Variants in NALF1 observed in about 807,000 individuals in gnomAD.
NALF1 encodes NALCN channel auxiliary factor 1.
A neutral mutation model predicts 48.4 loss-of-function variants in NALF1; 3 were observed. The ratio of observed to expected loss-of-function variants is 0.06; its 90% confidence interval spans 0.03 to 0.16. NALF1 has a LOEUF of 0.16. NALF1 is among the 10% of genes least tolerant of loss of function. The pLI is 1.00. For missense variants in NALF1, 526 were observed against 571.5 expected (o/e 0.92, Z 0.81); for synonymous variants, 262 against 245.7 (o/e 1.07, Z -0.62).
chr13:107,316,744 TG>T (rs1486631549), intron 1 of NALF1, among the ~76,000 whole-genome samples: 1 of 151,354 alleles, frequency 6.6e-6, no homozygotes, highest in African/African-American at 2.4e-5. Flanking sequence ...TTGATGGGGT[TG>T]TTTTTTTCTT....
intron 1 of NALF1, chr13:107,835,350 T>C (rs1385879617): frequency 6.6e-6 from 1 of 152,184 alleles, no homozygotes; most frequent in Non-Finnish European, 1.5e-5. Flanking sequence ...TTTGCCTCTC[T>C]CTTGGCTCCT....
At chr13:107,779,424 G>C (rs1379253731) in intron 1 of NALF1, among the ~76,000 whole-genome samples, 1 of 152,164 alleles carries the variant, frequency 6.6e-6, no homozygotes, top group African/African-American at 2.4e-5. Flanking sequence ...CATTATCTGA[G>C]TCACACTTAT....
At chr13:107,352,037 A>G (rs561277076) in intron 1 of NALF1, among the ~76,000 whole-genome samples, 1 of 152,352 alleles carries the variant, frequency 6.6e-6, no homozygotes, top group African/African-American at 2.4e-5. Flanking sequence ...GTGAGCAAAC[A>G]TACATGTTAC....
At chr13:107,293,067 G>T (rs1881657163) in intron 1 of NALF1, among the ~76,000 whole-genome samples, 1 of 142,214 alleles carries the variant, frequency 7.0e-6, no homozygotes. Context: ...TGCAAGCTCT[G>T]CCTCCTGGGT....
At chr13:107,388,465 T>C (rs763971015) in intron 1 of NALF1, among the ~76,000 whole-genome samples, 2 of 152,222 alleles carry the variant, frequency 1.3e-5, no homozygotes, top group Non-Finnish European at 2.9e-5. Flanking sequence ...GTCCCAACAC[T>C]GCCTCTTTTT....
intron 2 of NALF1, among the ~76,000 whole-genome samples, chr13:107,172,930 C>T (rs1040215577): frequency 2.0e-5 from 3 of 152,066 alleles, no homozygotes; most frequent in African/African-American, 7.2e-5. Flanking sequence ...AATAAATGAA[C>T]CCTTCTTTTT....
At chr13:107,176,317 T>A (rs4996707) in intron 2 of NALF1, among the ~76,000 whole-genome samples, 4,985 of 20,072 alleles carry the variant, frequency 0.25, 276 homozygotes, top group Middle Eastern at 0.36. Flanking sequence ...AACCTCACAG[T>A]TTTTTTTTTT....
chr13:107,515,240 A>T (rs1204309291), intron 1 of NALF1, among the ~76,000 whole-genome samples: 1 of 152,198 alleles, frequency 6.6e-6, no homozygotes, highest in African/African-American at 2.4e-5. Flanking sequence ...CTGAATGATG[A>T]CAGTGATGAC....
intron 1 of NALF1, among the ~76,000 whole-genome samples, chr13:107,600,748 G>A (rs1042951104): frequency 6.6e-6 from 1 of 152,194 alleles, no homozygotes; most frequent in African/African-American, 2.4e-5. Flanking sequence ...AAAGTAGCTT[G>A]AGATTTAAAG....
rs140072471 is a variant in NALF1, at chr13:107,525,579, G to A, written c.916-314824C>T. On this transcript the variant is annotated intron_variant, in intron 1 of 2. Coordinates refer to ENST00000375915, the MANE Select transcript of NALF1 (RefSeq NM_001080396.3). ...CATTATAACTTCTAAAAACATCTAT[G>A]TACAAACTTTGGTATAAACATATAT... Among the ~76,000 whole-genome samples, 14 of 152,188 alleles carry A rather than the reference G, an allele frequency of 9.2e-5. No homozygotes were observed. In the East Asian group the frequency reaches 2.5e-3, roughly 27 times the overall value.
At chr13:107,531,502 C>A (rs1270574595) in intron 1 of NALF1, among the ~76,000 whole-genome samples, 1 of 152,036 alleles carries the variant, frequency 6.6e-6, no homozygotes, top group Admixed American at 6.6e-5. Flanking sequence ...GCCAATTAAA[C>A]CTCTTTGTTT....
chr13:107,636,073 A>T (rs567684177), intron 1 of NALF1, among the ~76,000 whole-genome samples: 1 of 152,222 alleles, frequency 6.6e-6, no homozygotes, highest in South Asian at 2.1e-4. Flanking sequence ...GGCTTTTGCC[A>T]CTAGAAGTAA....
At chr13:107,680,789 G>A (rs1881278234) in intron 1 of NALF1, among the ~76,000 whole-genome samples, 1 of 151,514 alleles carries the variant, frequency 6.6e-6, no homozygotes. Context: ...GAATGTGTGT[G>A]TCCATGAGAG....
At chr13:107,686,132 G>A (rs970504740) in intron 1 of NALF1, among the ~76,000 whole-genome samples, 10 of 152,178 alleles carry the variant, frequency 6.6e-5, no homozygotes, top group Admixed American at 2.0e-4. Context: ...AGGACCACAG[G>A]AAAAGCCAGG....
At chr13:107,734,086 T>C (rs1876392299) in intron 1 of NALF1, among the ~76,000 whole-genome samples, 1 of 152,130 alleles carries the variant, frequency 6.6e-6, no homozygotes, top group Non-Finnish European at 1.5e-5. Context: ...GAAAAAGTAA[T>C]GTGTTGCACT....
chr13:107,222,602 G>A lies in NALF1; in HGVS notation c.916-11847C>T, dbSNP rs989194246. Among the ~76,000 whole-genome samples the A allele has an allele frequency of 7.2e-5, 11 of 152,182 alleles. 1 individual carries two copies. Among genetic ancestry groups the A allele is most frequent in the East Asian group, 5.8e-4 (3 of 5,196 alleles). On this transcript the variant is annotated intron_variant, in intron 1 of 2. Transcript: ENST00000375915. ...AGAAGCCCGACTGAAGTTAAACAGCGATTGTCAACTTCTTTAGCACTGAAA... is the reference window on the plus strand; with the variant it reads ...AGAAGCCCGACTGAAGTTAAACAGCAATTGTCAACTTCTTTAGCACTGAAA...
intron 1 of NALF1, among the ~76,000 whole-genome samples, chr13:107,780,503 CTTTT>C (rs201071204): frequency 4.8e-5 from 7 of 144,422 alleles, no homozygotes; most frequent in Non-Finnish European, 1.1e-4. Flanking sequence ...AGAGTTTTAA[CTTTT>C]TTTTTTTTTT....
chr13:107,809,460 A>G (rs971170497), intron 1 of NALF1, among the ~76,000 whole-genome samples: 1 of 152,080 alleles, frequency 6.6e-6, no homozygotes, highest in African/African-American at 2.4e-5. Context: ...CTTCACTTAC[A>G]CTATATGTAC....
chr13:107,579,994 A>T (rs2138409601), intron 1 of NALF1, among the ~76,000 whole-genome samples: 1 of 152,090 alleles, frequency 6.6e-6, no homozygotes, highest in Admixed American at 6.5e-5. Context: ...AGACACATGC[A>T]CACGTATGTT....
Sources: gnomAD v4.1 joint callset for allele counts (sites outside exome capture counted in the v4.1 genomes callset) on GRCh38, gnomAD v4.1.1 for gene constraint, MANE v1.5 for transcripts, NCBI Gene and HGNC (gene_info 2026-07-23, HGNC 2026-07-21) for gene names.